Variants in ACAN observed in about 807,000 individuals in gnomAD.
ACAN encodes the protein aggrecan core protein.
ACAN carries 47 observed loss-of-function variants against 169.1 expected under a neutral mutation model. The observed-to-expected ratio is 0.28, with a 90% CI of 0.22 to 0.35. The LOEUF (loss-of-function observed/expected upper bound fraction) is 0.35. ACAN is among the 10% of genes least tolerant of loss of function. The pLI, the probability that ACAN is intolerant of heterozygous loss-of-function variation, is 1.00. For synonymous variants in ACAN, 1,115 were observed against 1,112.2 expected, an observed-to-expected ratio of 1.00 and a Z score of -0.05; for missense variants, 2,716 against 2,759.9, an observed-to-expected ratio of 0.98 and a Z score of 0.36.
chr15:88,813,549 G>C (rs577152174), intron 1 of ACAN, among the ~76,000 whole-genome samples: 2 of 152,286 alleles, frequency 1.3e-5, no homozygotes, highest in East Asian at 3.9e-4. Flanking sequence ...TCAGTAGTTC[G>C]TGATGACTCA....
At chr15:88,822,023 G>A (rs183868467) in intron 1 of ACAN, among the ~76,000 whole-genome samples, 1 of 152,310 alleles carries the variant, frequency 6.6e-6, no homozygotes, top group African/African-American at 2.4e-5. Context: ...GAAATAATAT[G>A]TGCAACATCC....
At chr15:88,810,018 CAG>C (rs1895779251) in intron 1 of ACAN, among the ~76,000 whole-genome samples, 1 of 152,200 alleles carries the variant, frequency 6.6e-6, no homozygotes, top group South Asian at 2.1e-4. Context: ...TTCTATTTTA[CAG>C]AGTCATGAAA....
chr15:88,828,790 C>G (rs1896289454), intron 1 of ACAN, among the ~76,000 whole-genome samples: 1 of 152,156 alleles, frequency 6.6e-6, no homozygotes, highest in Admixed American at 6.6e-5. Context: ...CCACCTGCCC[C>G]CATTTCAGAG....
intron 6 of ACAN, among the ~76,000 whole-genome samples, chr15:88,844,448 A>C (rs1896746907): frequency 6.6e-6 from 1 of 152,052 alleles, no homozygotes; most frequent in African/African-American, 2.4e-5. Context: ...ATTTCAGCTC[A>C]TTGCAACCTC....
chr15:88,841,737 C>A lies in ACAN; in HGVS notation c.630-3C>A, dbSNP rs368372715. On this transcript the variant is annotated splice_polypyrimidine_tract_variant and splice_region_variant and intron_variant, in intron 4 of 18. Coordinates refer to ENST00000560601, the MANE Select transcript of ACAN (RefSeq NM_001369268.1). ...TCACACCTCCATTTCGGGTTCCTGG[C>A]AGATACCCCATCCACACTCCCCGGG... 6.2e-7 allele frequency: 1 copy of A among 1,613,844 alleles called. No individual in the cohort carries two copies. Among genetic ancestry groups the A allele is most frequent in the South Asian group, 1.1e-5 (1 of 91,060 alleles).
intron 1 of ACAN, among the ~76,000 whole-genome samples, chr15:88,830,667 T>C (rs1427670512): frequency 6.6e-6 from 1 of 152,126 alleles, no homozygotes; most frequent in Non-Finnish European, 1.5e-5. Flanking sequence ...GTATAAAAGA[T>C]AAACAATGGT....
At position 88,866,754 on chromosome 15, in the gene ACAN, A is replaced by G. The variant is rs1897286493; in HGVS notation, c.6947-1462A>G. On this transcript the variant is annotated intron_variant, in intron 13 of 18. Transcript: ENST00000560601. The surrounding 1 kb of genome is among the most constrained non-coding windows in gnomAD (Gnocchi z 5.6). The stretch of plus-strand genomic sequence containing the variant: ...GCACCAGCGTAAGGACTCAGAGGAA[A>G]CCGCCTTTACCATCTCATCAGAAGG... 6.6e-6 allele frequency among the ~76,000 whole-genome samples: 1 copy of G among 152,146 alleles called. No homozygotes were observed. The highest frequency in any genetic ancestry group is 1.9e-4 in the East Asian group (1 of 5,182).
Position 88,849,451 on chromosome 15 carries a change from C to A in ACAN, c.1746C>A (p.Phe582Leu). ...FVDRLEGEVF[F>L]ATRLEQFTFQ... Reference sequence around the variant, plus strand: ...CTCTGCCCCCAGGGGAGGTGTTCTTCGCCACACGCCTTGAGCAGTTCACCT... The same window carrying A: ...CTCTGCCCCCAGGGGAGGTGTTCTTAGCCACACGCCTTGAGCAGTTCACCT... Residue 582 changes from phenylalanine (F) to leucine (L), a missense_variant, in exon 10 of 19, where the codon TTC becomes TTA. This residue lies in a region of ACAN where 1,283 missense variants were observed against 1,281.5 expected (regional missense o/e 1.00). Coordinates refer to ENST00000560601, the MANE Select transcript of ACAN (RefSeq NM_001369268.1). The surrounding 1 kb of genome is among the most constrained non-coding windows in gnomAD (Gnocchi z 5.1). 1 of 1,590,124 alleles carries A rather than the reference C, an allele frequency of 6.3e-7. No homozygotes were observed. The highest frequency in any genetic ancestry group is 1.7e-5 in the Admixed American group (1 of 58,972).
At chr15:88,863,112 C>G (rs1271765911) in intron 13 of ACAN, among the ~76,000 whole-genome samples, 1 of 151,988 alleles carries the variant, frequency 6.6e-6, no homozygotes, top group Non-Finnish European at 1.5e-5. Context: ...GGGAAAACTT[C>G]CACCTGGTCA....
intron 4 of ACAN, among the ~76,000 whole-genome samples, chr15:88,841,297 A>C (rs530507516): frequency 6.6e-6 from 1 of 152,198 alleles, no homozygotes; most frequent in Non-Finnish European, 1.5e-5. Flanking sequence ...ATGAGACTCA[A>C]ATGATATAGA....
In ACAN at chr15:88,873,835, C is replaced by G. The variant is rs746093703; in HGVS notation, c.7448-7C>G. The G allele has an allele frequency of 1.9e-6, 3 of 1,613,380 alleles. No individual in the cohort carries two copies. Among genetic ancestry groups the G allele is most frequent in the Non-Finnish European group, 2.5e-6 (3 of 1,179,716 alleles). Reference sequence around the variant, plus strand: ...GAGACCCTTTATAAAGGGTGTTTGCCCCTCAGTGGCCTGCGGAGAGCCCCC... The same window carrying G: ...GAGACCCTTTATAAAGGGTGTTTGCGCCTCAGTGGCCTGCGGAGAGCCCCC... On this transcript the variant is annotated splice_region_variant and splice_polypyrimidine_tract_variant and intron_variant, in intron 17 of 18. Coordinates refer to ENST00000560601, the MANE Select transcript of ACAN (RefSeq NM_001369268.1). The surrounding 1 kb of genome is among the most constrained non-coding windows in gnomAD (Gnocchi z 7.5).
chr15:88,870,683 G>C lies in ACAN; in HGVS notation c.7061-699G>C, dbSNP rs13380169. On this transcript the variant is annotated intron_variant, in intron 14 of 18. Transcript: ENST00000560601. This position sits in a 1 kb window ranked among gnomAD's most constrained non-coding sequence, Gnocchi z 6.3. ...GAGAACCCATTACGAATTTAGGTTT[G>C]TGAGGAGAGAAGCTCCTCCCCTCTT... 0.018 allele frequency among the ~76,000 whole-genome samples: 2,703 copies of C among 152,206 alleles called. 90 individuals are homozygous for C. The highest frequency in any genetic ancestry group is 0.063 in the African/African-American group (2,594 of 41,496).
Position 88,872,390 on chromosome 15 carries a change from C to G in ACAN, c.7302+305C>G, listed in dbSNP as rs1458103511. Among the ~76,000 whole-genome samples, 1 of 152,148 alleles carries G rather than the reference C, an allele frequency of 6.6e-6. No homozygotes were observed. Among genetic ancestry groups the G allele is most frequent in the East Asian group, 1.9e-4 (1 of 5,196 alleles). ...CTTGCCCACACTGAACTCGAGTCTA[C>G]TCAAGGAGACAGACAGAAAGCAACA... On this transcript the variant is annotated intron_variant, in intron 16 of 18. Coordinates refer to ENST00000560601, the MANE Select transcript of ACAN (RefSeq NM_001369268.1). This position sits in a 1 kb window ranked among gnomAD's most constrained non-coding sequence, Gnocchi z 5.4.
Position 88,831,322 on chromosome 15 carries a change from A to G in ACAN, c.-7-4878A>G, listed in dbSNP as rs551374416. 2.0e-5 allele frequency among the ~76,000 whole-genome samples: 3 copies of G among 152,342 alleles called. No individual in the cohort carries two copies. In the East Asian group the frequency reaches 5.8e-4, roughly 29 times the overall value. On this transcript the variant is annotated intron_variant, in intron 1 of 18. Coordinates refer to ENST00000560601, the MANE Select transcript of ACAN (RefSeq NM_001369268.1). ...TGCACTAAAGCGCTATCATTAATCAATACAGCCATGCACATCACAAGGAAG... is the reference window on the plus strand; with the variant it reads ...TGCACTAAAGCGCTATCATTAATCAGTACAGCCATGCACATCACAAGGAAG...
chr15:88,870,083 G>T lies in ACAN; in HGVS notation c.7061-1299G>T, dbSNP rs1274039364. 6.6e-6 allele frequency among the ~76,000 whole-genome samples: 1 copy of T among 152,140 alleles called. No homozygotes were observed. The highest frequency in any genetic ancestry group is 1.5e-5 in the Non-Finnish European group (1 of 68,044). On this transcript the variant is annotated intron_variant, in intron 14 of 18. Transcript: ENST00000560601. The surrounding 1 kb of genome is among the most constrained non-coding windows in gnomAD (Gnocchi z 6.3). ...TTTCCAGACTGCAGCCTCACCCCTT[G>T]GGGAAGGCATTCATAGCTGAGGCAC...
intron 10 of ACAN, chr15:88,850,082 T>G (rs1410337453): frequency 1.7e-6 from 1 of 584,438 alleles, no homozygotes; most frequent in East Asian, 2.8e-5. Flanking sequence ...AAGAATTAAT[T>G]AAGTGCACGT....
At position 88,855,179 on chromosome 15, in the gene ACAN, A is replaced by T; in HGVS notation, c.2594A>T (p.Asp865Val). 6.2e-7 allele frequency: 1 copy of T among 1,607,932 alleles called. No individual in the cohort carries two copies. Among genetic ancestry groups the T allele is most frequent in the East Asian group, 2.2e-5 (1 of 44,744 alleles). The change falls in exon 12 of 19, where the codon GAT becomes GTT. Residue 865 changes from aspartate (D) to valine (V), a missense_variant. Asp to Val is a radical substitution (Grantham distance 152). This residue lies in a region of ACAN where 1,283 missense variants were observed against 1,281.5 expected (regional missense o/e 1.00). Coordinates refer to ENST00000560601, the MANE Select transcript of ACAN (RefSeq NM_001369268.1). Reference sequence around the variant, plus strand: ...TCTGGGGAGGAATCTGGGGCCCCTGATGTCAGTGGTGACTTCACAGGCAGT... The same window carrying T: ...TCTGGGGAGGAATCTGGGGCCCCTGTTGTCAGTGGTGACTTCACAGGCAGT... ...PSSGEESGAPDVSGDFTGSGD... is the reference protein window; with the variant it reads ...PSSGEESGAPVVSGDFTGSGD...
In ACAN at chr15:88,814,776, A is replaced by G. The variant is rs979755478; in HGVS notation, c.-8+10967A>G. Among the ~76,000 whole-genome samples, 8 of 152,250 alleles carry G rather than the reference A, an allele frequency of 5.3e-5. No individual in the cohort carries two copies. The highest frequency in any genetic ancestry group is 1.0e-4 in the Non-Finnish European group (7 of 68,044). On this transcript the variant is annotated intron_variant, in intron 1 of 18. Coordinates refer to ENST00000560601, the MANE Select transcript of ACAN (RefSeq NM_001369268.1). The surrounding 1 kb of genome is among the most constrained non-coding windows in gnomAD (Gnocchi z 4.0). ...CAACAAGAACTCCTCTTCAGGTGTC[A>G]TAGCTGCTAGCCAGCATGTCCATGC...
chr15:88,847,836 G>T (rs1036124321), intron 8 of ACAN, 75 bp from the exon 9 acceptor site: 3 of 1,525,720 alleles, frequency 2.0e-6, no homozygotes, highest in African/African-American at 2.8e-5. Flanking sequence ...AGTAGCCTCT[G>T]GCCTCAGCCC....
Sources: allele counts gnomAD v4.1 joint callset (sites outside exome capture counted in the v4.1 genomes callset), GRCh38; gene constraint gnomAD v4.1.1; regional missense constraint gnomAD v4.1.1; non-coding constraint Gnocchi (gnomAD v3.1); transcripts MANE v1.5; gene names NCBI Gene and HGNC (gene_info 2026-07-23, HGNC 2026-07-21).